Variants in MFSD6 observed in about 807,000 individuals in gnomAD.
The protein encoded by MFSD6 is major facilitator superfamily domain containing 6.
In MFSD6, 26 loss-of-function variants were observed where a neutral mutation model predicts 56.3. The observed-to-expected ratio is 0.46, with a 90% CI of 0.34 to 0.64. The LOEUF (loss-of-function observed/expected upper bound fraction) is 0.64, where lower values mean the gene tolerates loss of function less well. Ranked by LOEUF, MFSD6 falls within the 30% of genes least tolerant of loss-of-function variation. MFSD6 has a pLI of 0.01. For synonymous variants in MFSD6, 331 were observed against 366.9 expected, an observed-to-expected ratio of 0.90 and a Z score of 1.12; for missense variants, 750 against 986.2, an observed-to-expected ratio of 0.76 and a Z score of 3.21.
chr2:190,459,988 C>G lies in MFSD6; in HGVS notation c.1533-9770C>G, dbSNP rs1212449160. 2.6e-5 allele frequency among the ~76,000 whole-genome samples: 4 copies of G among 152,204 alleles called. No homozygotes were observed. The highest frequency in any genetic ancestry group is 5.9e-5 in the Non-Finnish European group (4 of 68,032). ...AGTCATACCTGCTGGCTGATAGAAG[C>G]TTGGTGGCTCCCAGGATCTCCTTGG... On this transcript the variant is annotated intron_variant, in intron 3 of 7. Coordinates refer to ENST00000392328, the MANE Select transcript of MFSD6 (RefSeq NM_017694.4). The surrounding 1 kb of genome is among the most constrained non-coding windows in gnomAD (Gnocchi z 5.3).
intron 2 of MFSD6, among the ~76,000 whole-genome samples, chr2:190,430,173 A>T (rs1685919766): frequency 6.6e-6 from 1 of 151,284 alleles, no homozygotes; most frequent in African/African-American, 2.4e-5. Context: ...AAAGGACATG[A>T]ACGCATCCTT....
chr2:190,440,336 T>C (rs1455917526), intron 3 of MFSD6, among the ~76,000 whole-genome samples: 1 of 152,224 alleles, frequency 6.6e-6, no homozygotes, highest in Non-Finnish European at 1.5e-5. Flanking sequence ...GTATCTGATT[T>C]CTGATTTTGA....
intron 4 of MFSD6, among the ~76,000 whole-genome samples, chr2:190,481,924 A>G (rs1331376889): frequency 1.3e-5 from 2 of 152,142 alleles, no homozygotes; most frequent in East Asian, 3.8e-4. Flanking sequence ...TCTGACAGAG[A>G]GACTGGCTTG....
rs1687076238 is a variant in MFSD6 at position 190,457,018 on chromosome 2, A to T, written c.1533-12740A>T. Among the ~76,000 whole-genome samples, 1 of 152,138 alleles carries T rather than the reference A, an allele frequency of 6.6e-6. No individual in the cohort carries two copies. Among genetic ancestry groups the T allele is most frequent in the Non-Finnish European group, 1.5e-5 (1 of 68,012 alleles). Reference sequence around the variant, plus strand: ...CATAAACGTTCATCCAGCTTCCTTAATCCGCGCGCACAGCTGAGTTCAGAA... The same window carrying T: ...CATAAACGTTCATCCAGCTTCCTTATTCCGCGCGCACAGCTGAGTTCAGAA... On this transcript the variant is annotated intron_variant, in intron 3 of 7. Coordinates refer to ENST00000392328, the MANE Select transcript of MFSD6 (RefSeq NM_017694.4). The surrounding 1 kb of genome is among the most constrained non-coding windows in gnomAD (Gnocchi z 5.1).
At chr2:190,481,114 T>G (rs1574222449) in intron 4 of MFSD6, among the ~76,000 whole-genome samples, 1 of 152,196 alleles carries the variant, frequency 6.6e-6, no homozygotes, top group African/African-American at 2.4e-5. Flanking sequence ...TGGCTTCAGG[T>G]GGGAAAACAC....
In MFSD6 at chr2:190,500,417, T is replaced by A; in HGVS notation, c.*199T>A. The A allele has an allele frequency of 3.3e-6, 2 of 610,974 alleles. No individual in the cohort carries two copies. Among genetic ancestry groups the A allele is most frequent in the Non-Finnish European group, 5.7e-6 (2 of 353,148 alleles). The allele number at this position is 610,974 out of a possible 1,614,324, so 37.8% of individuals were successfully genotyped here. On this transcript the variant is annotated 3_prime_UTR_variant, in exon 8 of 8. Transcript: ENST00000392328. The surrounding 1 kb of genome is among the most constrained non-coding windows in gnomAD (Gnocchi z 5.3). ...GGCAGGAAAAGGTAAACTTTCGTAA[T>A]CTCATTGGAATTACAACAGGGAAAT...
chr2:190,477,146 T>G, intron 4 of MFSD6: 1 of 480,630 alleles, frequency 2.1e-6, no homozygotes, highest in Non-Finnish European at 2.7e-6. Flanking sequence ...ATGGCACATG[T>G]ATACATATGT....
chr2:190,409,010 C>G (rs1331188899), intron 1 of MFSD6, among the ~76,000 whole-genome samples: 7 of 152,180 alleles, frequency 4.6e-5, no homozygotes, highest in African/African-American at 1.7e-4. Flanking sequence ...GACAAGGACG[C>G]GGCCACTTGT....
chr2:190,428,125 T>C (rs1254237674), intron 2 of MFSD6, among the ~76,000 whole-genome samples: 1 of 152,240 alleles, frequency 6.6e-6, no homozygotes, highest in Non-Finnish European at 1.5e-5. Context: ...TGTTTCCTGC[T>C]TCTCTTAGTC....
rs187778745 is a variant in MFSD6 at position 190,458,786 on chromosome 2, C to T, written c.1533-10972C>T. Among the ~76,000 whole-genome samples, 2 of 152,236 alleles carry T rather than the reference C, an allele frequency of 1.3e-5. No homozygotes were observed. The highest frequency in any genetic ancestry group is 1.3e-4 in the Admixed American group (2 of 15,294). ...CCAATTGAGAAGTCCAGCAAATGAC[C>T]AGAGGTGTAGCTTTAACCAGGTCTC... On this transcript the variant is annotated intron_variant, in intron 3 of 7. Transcript: ENST00000392328. This position sits in a 1 kb window ranked among gnomAD's most constrained non-coding sequence, Gnocchi z 5.3.
chr2:190,444,825 CATAAAG>C (rs1406147830), intron 3 of MFSD6: 1 of 722,926 alleles, frequency 1.4e-6, no homozygotes, highest in Non-Finnish European at 1.7e-6. Context: ...ACAAGTGTTT[CATAAAG>C]ATAATGTTTT....
rs1687969243 is a variant in MFSD6 at position 190,471,985 on chromosome 2, G to A, written c.1630+2130G>A. Among the ~76,000 whole-genome samples, 1 of 152,188 alleles carries A rather than the reference G, an allele frequency of 6.6e-6. No homozygotes were observed. Among genetic ancestry groups the A allele is most frequent in the African/African-American group, 2.4e-5 (1 of 41,432 alleles). On this transcript the variant is annotated intron_variant, in intron 4 of 7. Coordinates refer to ENST00000392328, the MANE Select transcript of MFSD6 (RefSeq NM_017694.4). The surrounding 1 kb of genome is among the most constrained non-coding windows in gnomAD (Gnocchi z 4.7). ...GCTGATACCCAGGCAAACAGGGTCT[G>A]GAGTGGACCTCCAGCAAACTCCAAC...
Position 190,438,237 on chromosome 2 carries a change from G to T in MFSD6, c.1532+676G>T, listed in dbSNP as rs1171145288. On this transcript the variant is annotated intron_variant, in intron 3 of 7. Transcript: ENST00000392328. This position sits in a 1 kb window ranked among gnomAD's most constrained non-coding sequence, Gnocchi z 5.2. ...TTATAAAAAAAAAAATCTATAGGCT[G>T]GGCACAGTGGCTCACACCTGCTAAT... Among the ~76,000 whole-genome samples the T allele has an allele frequency of 6.6e-6, 1 of 151,636 alleles. No individual in the cohort carries two copies. Among genetic ancestry groups the T allele is most frequent in the Non-Finnish European group, 1.5e-5 (1 of 67,996 alleles).
intron 3 of MFSD6, among the ~76,000 whole-genome samples, chr2:190,450,488 C>CTTTTTTTTTTTTTTTTTT (rs10665730): frequency 3.1e-5 from 3 of 97,254 alleles, no homozygotes; most frequent in Non-Finnish European, 3.8e-5. Flanking sequence ...TCTCTTTTTC[C>CTTTTTTTTTTTTTTTTTT]TTTTTTTTTT....
chr2:190,480,076 T>C (rs1341678824), intron 4 of MFSD6, among the ~76,000 whole-genome samples: 1 of 152,182 alleles, frequency 6.6e-6, no homozygotes, highest in Non-Finnish European at 1.5e-5. Flanking sequence ...GGTGGAAGGA[T>C]TGCTTGACCC....
At chr2:190,420,599 T>G (rs1685573468) in intron 2 of MFSD6, among the ~76,000 whole-genome samples, 1 of 152,200 alleles carries the variant, frequency 6.6e-6, no homozygotes, top group African/African-American at 2.4e-5. Context: ...TAAATATTTT[T>G]ACTACTCTTT....
In MFSD6 at chr2:190,444,066, G is replaced by T. The variant is rs113145769; in HGVS notation, c.1532+6505G>T. ...CAAGACCCTGTTTCAAAAAAGAAAA[G>T]GAGAAAAAATGAGTAGTCTAATTAA... On this transcript the variant is annotated intron_variant, in intron 3 of 7. Transcript: ENST00000392328. 4.5e-3 allele frequency among the ~76,000 whole-genome samples: 679 copies of T among 152,020 alleles called. 5 individuals carry two copies. The highest frequency in any genetic ancestry group is 0.016 in the African/African-American group (655 of 41,466).
chr2:190,500,318 C>A lies in MFSD6; in HGVS notation c.*100C>A. On this transcript the variant is annotated 3_prime_UTR_variant, in exon 8 of 8. Transcript: ENST00000392328. This position sits in a 1 kb window ranked among gnomAD's most constrained non-coding sequence, Gnocchi z 5.3. ...AGGATATGCCTCCCCTGGAGGAGCACAGCACTGCATATGCTTCTAAATATC... is the reference window on the plus strand; with the variant it reads ...AGGATATGCCTCCCCTGGAGGAGCAAAGCACTGCATATGCTTCTAAATATC... 1.6e-6 allele frequency: 2 copies of A among 1,218,778 alleles called. No homozygotes were observed. Among genetic ancestry groups the A allele is most frequent in the Non-Finnish European group, 2.4e-6 (2 of 849,966 alleles). The allele number at this position is 1,218,778 out of a possible 1,614,324, so 75.5% of individuals were successfully genotyped here. A position where few individuals can be genotyped will look rare whatever the true frequency, so the allele number is the denominator to read the frequency against.
chr2:190,429,975 T>C (rs1685910222), intron 2 of MFSD6, among the ~76,000 whole-genome samples: 1 of 152,066 alleles, frequency 6.6e-6, no homozygotes, highest in Non-Finnish European at 1.5e-5. Context: ...TAGGTATATC[T>C]CCTAATGCTA....
Sources: gnomAD v4.1 joint callset for allele counts (sites outside exome capture counted in the v4.1 genomes callset) on GRCh38, gnomAD v4.1.1 for gene constraint, Gnocchi (gnomAD v3.1) non-coding constraint, MANE v1.5 for transcripts, NCBI Gene and HGNC (gene_info 2026-07-23, HGNC 2026-07-21) for gene names.